Variants in PARD3B observed in about 807,000 individuals in gnomAD.
PARD3B encodes the protein partitioning defective 3 homolog B.
A neutral mutation model predicts 130.2 loss-of-function variants in PARD3B; 103 were observed. The ratio of observed to expected loss-of-function variants is 0.79; its 90% CI spans 0.67 to 0.93. PARD3B has a LOEUF of 0.93. PARD3B is among the 40% of genes least tolerant of loss of function. The probability of loss-of-function intolerance (pLI) is 0.00; values close to 1 mark genes in which losing one functional copy is unlikely to be tolerated. For missense variants in PARD3B, 1,609 were observed against 1,499.2 expected, an observed-to-expected ratio of 1.07 and a Z score of -1.21; for synonymous variants, 583 against 553.2, an observed-to-expected ratio of 1.05 and a Z score of -0.76.
At position 204,550,241 on chromosome 2, in the gene PARD3B, C is replaced by T. The variant is rs12105213; in HGVS notation, c.120+4122C>T. ...AGTCATCTCTAGATTATTTATAATA[C>T]CTAATACAATGTAAAAGCTATTTAA... On this transcript the variant is annotated intron_variant, in intron 1 of 22. Coordinates refer to ENST00000406610, the MANE Select transcript of PARD3B (RefSeq NM_001302769.2). Among the ~76,000 whole-genome samples the T allele has an allele frequency of 2.1e-3, 327 of 152,260 alleles. 1 individual carries two copies. The highest frequency in any genetic ancestry group is 0.017 in the Middle Eastern group (5 of 294).
intron 1 of PARD3B, among the ~76,000 whole-genome samples, chr2:204,592,629 A>G (rs2033125044): frequency 6.6e-6 from 1 of 152,222 alleles, no homozygotes. Flanking sequence ...TGTATAATTC[A>G]CATCCTAAAC....
chr2:205,173,289 A>G (rs539041390), intron 12 of PARD3B, among the ~76,000 whole-genome samples: 1 of 152,344 alleles, frequency 6.6e-6, no homozygotes, highest in Admixed American at 6.5e-5. Context: ...TATCAAGTTA[A>G]TCAAGAGTTA....
intron 15 of PARD3B, among the ~76,000 whole-genome samples, chr2:205,204,357 T>C (rs2037164473): frequency 1.3e-5 from 2 of 152,244 alleles, no homozygotes; most frequent in Admixed American, 1.3e-4. Context: ...TAGCCCTTTG[T>C]CAGATGGATA....
intron 22 of PARD3B, among the ~76,000 whole-genome samples, chr2:205,561,525 C>A (rs570858947): frequency 6.6e-6 from 1 of 152,288 alleles, no homozygotes; most frequent in African/African-American, 2.4e-5. Flanking sequence ...TGCGACAAGG[C>A]CAGCTTGTCA....
chr2:204,695,329 T>C (rs1053985146), intron 2 of PARD3B, among the ~76,000 whole-genome samples: 2 of 151,968 alleles, frequency 1.3e-5, no homozygotes, highest in Non-Finnish European at 2.9e-5. Context: ...ATACCTAAAA[T>C]TATACCAAAT....
chr2:205,051,837 G>A (rs558984822), intron 4 of PARD3B, among the ~76,000 whole-genome samples: 1 of 152,300 alleles, frequency 6.6e-6, no homozygotes, highest in South Asian at 2.1e-4. Context: ...TTTAACACCA[G>A]ACACACAGCA....
chr2:204,546,845 G>C (rs1284895220), intron 1 of PARD3B, among the ~76,000 whole-genome samples: 2 of 152,222 alleles, frequency 1.3e-5, no homozygotes, highest in Non-Finnish European at 2.9e-5. Context: ...TATAAATTAA[G>C]TGACAATTTT....
At chr2:204,709,063 G>A (rs1201585629) in intron 2 of PARD3B, among the ~76,000 whole-genome samples, 1 of 152,078 alleles carries the variant, frequency 6.6e-6, no homozygotes, top group Non-Finnish European at 1.5e-5. Context: ...ATGTTTGGGA[G>A]CAAGCTACTT....
At chr2:205,283,554 C>A (rs533184473) in intron 16 of PARD3B, among the ~76,000 whole-genome samples, 7 of 152,312 alleles carry the variant, frequency 4.6e-5, no homozygotes, top group African/African-American at 1.7e-4. Flanking sequence ...CACTAAACAG[C>A]AGCATAATGT....
At chr2:205,373,912 A>G (rs1266863849) in intron 18 of PARD3B, among the ~76,000 whole-genome samples, 1 of 152,338 alleles carries the variant, frequency 6.6e-6, no homozygotes, top group African/African-American at 2.4e-5. Flanking sequence ...TCCTCCTAGC[A>G]TTAAATTCAT....
At chr2:205,159,110 G>A (rs2034358085) in intron 11 of PARD3B, among the ~76,000 whole-genome samples, 1 of 152,144 alleles carries the variant, frequency 6.6e-6, no homozygotes, top group African/African-American at 2.4e-5. Context: ...TTACTTCTTA[G>A]AGTTACCTCT....
chr2:204,752,078 A>T (rs188460451), intron 2 of PARD3B, among the ~76,000 whole-genome samples: 6 of 152,336 alleles, frequency 3.9e-5, no homozygotes, highest in Admixed American at 2.0e-4. Flanking sequence ...AACTTAAAAT[A>T]TCTGATAAGC....
intron 1 of PARD3B, among the ~76,000 whole-genome samples, chr2:204,648,570 ATATATAT>A (rs1170560264): frequency 2.9e-3 from 369 of 127,222 alleles, no homozygotes; most frequent in Non-Finnish European, 4.5e-3. Context: ...ATAAATATAA[ATATATAT>A]TATATATTAT....
chr2:205,192,296 A>G (rs865859773), intron 14 of PARD3B, among the ~76,000 whole-genome samples: 2 of 152,272 alleles, frequency 1.3e-5, no homozygotes, highest in South Asian at 4.1e-4. Flanking sequence ...AAAACCCAAC[A>G]TCAATACTTT....
At chr2:205,357,199 C>CG (rs766751051) in intron 18 of PARD3B, among the ~76,000 whole-genome samples, 3 of 152,236 alleles carry the variant, frequency 2.0e-5, no homozygotes, top group South Asian at 2.1e-4. Context: ...GAGAGAAGGA[C>CG]ATTTTTTCCT....
intron 19 of PARD3B, among the ~76,000 whole-genome samples, chr2:205,402,899 G>T (rs563312724): frequency 6.6e-6 from 1 of 152,100 alleles, no homozygotes. Flanking sequence ...TTTATGGTTG[G>T]GTGCTATAGA....
At chr2:205,381,888 T>G (rs28582277) in intron 18 of PARD3B, among the ~76,000 whole-genome samples, 8,187 of 152,128 alleles carry the variant, frequency 0.054, 668 homozygotes, top group African/African-American at 0.18. Flanking sequence ...ATGCATTTCC[T>G]TCTTTAACCT....
chr2:204,853,768 A>G (rs1250055638), intron 2 of PARD3B, among the ~76,000 whole-genome samples: 1 of 152,234 alleles, frequency 6.6e-6, no homozygotes, highest in East Asian at 1.9e-4. Context: ...TGCAATAAAT[A>G]TGATCCTTGC....
At chr2:205,255,458 TAATTC>T (rs2125937837) in intron 16 of PARD3B, among the ~76,000 whole-genome samples, 1 of 152,254 alleles carries the variant, frequency 6.6e-6, no homozygotes, top group African/African-American at 2.4e-5. Context: ...CGGTGTCCTA[TAATTC>T]AATTCAATTC....
Sources: allele counts gnomAD v4.1 joint callset (sites outside exome capture counted in the v4.1 genomes callset), GRCh38; gene constraint gnomAD v4.1.1; transcripts MANE v1.5; gene names NCBI Gene and HGNC (gene_info 2026-07-23, HGNC 2026-07-21).